The following MON2 variants were observed in gnomAD, a reference collection of about 807,000 sequenced individuals.
The protein encoded by MON2 is protein MON2 homolog.
In MON2, 84 loss-of-function variants were observed where a neutral mutation model predicts 208.6. That is an observed-to-expected ratio of 0.40 (90% confidence interval 0.34 to 0.48). MON2 has a LOEUF of 0.48. Among genes scored for constraint, MON2 ranks in the 20% least tolerant of loss-of-function variants. The pLI is 0.59. For missense variants in MON2, 1,611 were observed against 2,015.4 expected, an observed-to-expected ratio of 0.80 and a Z score of 3.84; for synonymous variants, 660 against 694.0, an observed-to-expected ratio of 0.95 and a Z score of 0.77.
chr12:62,578,945 A>G (rs554915222), intron 31 of MON2, among the ~76,000 whole-genome samples: 15 of 152,288 alleles, frequency 9.8e-5, no homozygotes, highest in African/African-American at 3.6e-4. Context: ...TTTAAAGAAT[A>G]TATTTTGAGG....
rs5798648 is a variant in MON2 at position 62,578,430 on chromosome 12, G to GTT, written c.4515-4_4515-3dup. 21,249 of 1,113,040 alleles carry GTT rather than the reference G, an allele frequency of 0.019. 1 individual carries two copies. The highest frequency in any genetic ancestry group is 0.025 in the South Asian group (1,549 of 61,812). 68.9% of individuals were successfully genotyped at this position (1,113,040 alleles called of 1,614,324 possible). A position where few individuals can be genotyped will look rare whatever the true frequency, so the allele number is the denominator to read the frequency against. Reference sequence around the variant, plus strand: ...AATATTTTATCTTTAAAAATCAAGTGTTTTTTTTTTTTAGCATACCTCCAG... The same window carrying GTT: ...AATATTTTATCTTTAAAAATCAAGTGTTTTTTTTTTTTTTAGCATACCTCCAG... On this transcript the variant is annotated splice_polypyrimidine_tract_variant and intron_variant, in intron 30 of 34. Transcript: ENST00000393630.
chr12:62,590,934 C>T (rs1199739254), intron 34 of MON2, among the ~76,000 whole-genome samples: 1 of 152,190 alleles, frequency 6.6e-6, no homozygotes, highest in African/African-American at 2.4e-5. Context: ...GAATTACAGG[C>T]GTGAGCCACC....
chr12:62,501,766 C>T lies in MON2; in HGVS notation c.789+68C>T, dbSNP rs910776385. The T allele has an allele frequency of 1.4e-5, 22 of 1,567,204 alleles. No individual in the cohort carries two copies. The African/African-American group carries it at 2.8e-4, about 20-fold the overall frequency. On this transcript the variant is annotated intron_variant, in intron 7 of 34. Coordinates refer to ENST00000393630, the MANE Select transcript of MON2 (RefSeq NM_015026.3). The stretch of plus-strand genomic sequence containing the variant: ...GTTTTACAGATATTTTTAAAGAAAG[C>T]AACGTGTATTTTTTTTCCACCTTAA...
At chr12:62,483,714 A>C (rs879479209) in intron 1 of MON2, among the ~76,000 whole-genome samples, 2 of 152,120 alleles carry the variant, frequency 1.3e-5, no homozygotes, top group Non-Finnish European at 2.9e-5. Context: ...AAAAAACTCC[A>C]TCAACAATAA....
At chr12:62,579,253 A>G (rs2074909374) in intron 31 of MON2, among the ~76,000 whole-genome samples, 1 of 152,014 alleles carries the variant, frequency 6.6e-6, no homozygotes, top group Non-Finnish European at 1.5e-5. Flanking sequence ...CTGAAAAAAA[A>G]AAGTAAAAAA....
intron 12 of MON2, among the ~76,000 whole-genome samples, chr12:62,533,844 A>G (rs924646392): frequency 6.6e-6 from 1 of 152,298 alleles, no homozygotes; most frequent in African/African-American, 2.4e-5. Context: ...TTGAATTACC[A>G]TGACATCACA....
chr12:62,532,768 G>A, intron 12 of MON2, 98 bp downstream of exon 12: 1 of 832,490 alleles, frequency 1.2e-6, no homozygotes, highest in Non-Finnish European at 1.9e-6. Flanking sequence ...GACTTCTCAA[G>A]TGTTAACCAC....
chr12:62,479,582 A>G (rs2069288575), intron 1 of MON2, among the ~76,000 whole-genome samples: 1 of 152,108 alleles, frequency 6.6e-6, no homozygotes, highest in African/African-American at 2.4e-5. Flanking sequence ...GGTCTTAGAA[A>G]AGCAGTCAGC....
At chr12:62,507,717 G>A (rs1404161750) in intron 7 of MON2, among the ~76,000 whole-genome samples, 1 of 152,070 alleles carries the variant, frequency 6.6e-6, no homozygotes, top group East Asian at 1.9e-4. Context: ...ATCATTAAAT[G>A]TTCCTTTTAA....
At chr12:62,583,052 G>C (rs988474695) in intron 32 of MON2, among the ~76,000 whole-genome samples, 2 of 152,192 alleles carry the variant, frequency 1.3e-5, no homozygotes, top group African/African-American at 4.8e-5. Context: ...AAGAAAGAAG[G>C]CTGGGCACGG....
chr12:62,518,878 C>A (rs766522363), intron 8 of MON2, among the ~76,000 whole-genome samples: 17 of 152,096 alleles, frequency 1.1e-4, no homozygotes, highest in Non-Finnish European at 2.5e-4. Flanking sequence ...GACATCTTAG[C>A]TTAGAAAAAA....
chr12:62,470,604 T>C (rs1168962850), intron 1 of MON2: 1 of 369,646 alleles, frequency 2.7e-6, no homozygotes, highest in Non-Finnish European at 3.9e-6. Context: ...CACTTCTATG[T>C]GATTAATATT....
intron 11 of MON2, among the ~76,000 whole-genome samples, chr12:62,531,749 T>C (rs2072656110): frequency 6.6e-6 from 1 of 152,110 alleles, no homozygotes; most frequent in South Asian, 2.1e-4. Flanking sequence ...TGATTTGATT[T>C]GATGGCATCT....
In MON2 at chr12:62,560,748, A is replaced by G; in HGVS notation, c.3667A>G (p.Ser1223Gly). The change falls in exon 26 of 35, where the codon AGT becomes GGT. Residue 1223 changes from serine (S) to glycine (G), a missense_variant. Coordinates refer to ENST00000393630, the MANE Select transcript of MON2 (RefSeq NM_015026.3). ...DSIGEKLGRY[S>G]SSEPPIVTDE... Reference sequence around the variant, plus strand: ...CATTGGAGAAAAACTAGGAAGATATAGTAGCTCTGAGCCACCCATTGTTAC... The same window carrying G: ...CATTGGAGAAAAACTAGGAAGATATGGTAGCTCTGAGCCACCCATTGTTAC... The G allele has an allele frequency of 6.2e-7, 1 of 1,614,180 alleles. No individual in the cohort carries two copies. Among genetic ancestry groups the G allele is most frequent in the African/African-American group, 1.3e-5 (1 of 75,070 alleles).
rs886183252 is a variant in MON2 at position 62,595,038 on chromosome 12, A to G, written c.*2289A>G. 1 of 152,204 alleles carries G rather than the reference A, an allele frequency of 6.6e-6. No homozygotes were observed. Among genetic ancestry groups the G allele is most frequent in the Non-Finnish European group, 1.5e-5 (1 of 68,036 alleles). 9.4% of individuals were successfully genotyped at this position (152,204 alleles called of 1,614,324 possible). The stretch of plus-strand genomic sequence containing the variant: ...TCGATGCCAGGAGATTCAAAAAGGA[A>G]GCTCTCAAAGATAAGATCATTTTAT... On this transcript the variant is annotated 3_prime_UTR_variant, in exon 35 of 35. Transcript: ENST00000393630.
At chr12:62,585,541 G>T (rs762089305) in intron 33 of MON2, 40 bp downstream of exon 33, 1 of 1,433,758 alleles carries the variant, frequency 7.0e-7, no homozygotes, top group Non-Finnish European at 9.5e-7. Context: ...ATGTATTGTT[G>T]TACTAATTGT....
Position 62,592,786 on chromosome 12 carries a change from A to G in MON2, c.*37A>G. The G allele has an allele frequency of 2.6e-6, 4 of 1,513,208 alleles. No homozygotes were observed. The highest frequency in any genetic ancestry group is 3.6e-6 in the Non-Finnish European group (4 of 1,112,688). 93.7% of individuals were successfully genotyped at this position (1,513,208 alleles called of 1,614,324 possible). On this transcript the variant is annotated 3_prime_UTR_variant, in exon 35 of 35. Coordinates refer to ENST00000393630, the MANE Select transcript of MON2 (RefSeq NM_015026.3). ...ATATTTGAAAGCAGGAAGATAGTCT[A>G]AAAAATGTTTGCTCCTAATTGAGTC...
rs2073081805 is a variant in MON2 at position 62,538,434 on chromosome 12, C to T, written c.2293C>T (p.Leu765=). 2 of 1,609,036 alleles carry T rather than the reference C, an allele frequency of 1.2e-6. No individual in the cohort carries two copies. The highest frequency in any genetic ancestry group is 4.5e-5 in the East Asian group (2 of 44,778). The change falls in exon 19 of 35, where the codon CTG becomes TTG. Residue 765 remains leucine, a synonymous_variant. Coordinates refer to ENST00000393630, the MANE Select transcript of MON2 (RefSeq NM_015026.3). The part of the protein sequence containing the change: ...ESSQYLDDVS[L]HHLINALCSL... ...TTTTAGGTATCTTGATGATGTATCACTGCATCATTTAATAAATGCACTTTG... is the reference window on the plus strand; with the variant it reads ...TTTTAGGTATCTTGATGATGTATCATTGCATCATTTAATAAATGCACTTTG...
intron 24 of MON2, among the ~76,000 whole-genome samples, chr12:62,554,449 A>G (rs1271567300): frequency 6.6e-6 from 1 of 152,154 alleles, no homozygotes; most frequent in East Asian, 1.9e-4. Context: ...GTTAGTTCAG[A>G]GACCACACTT....
Sources: allele counts gnomAD v4.1 joint callset (sites outside exome capture counted in the v4.1 genomes callset), GRCh38; gene constraint gnomAD v4.1.1; transcripts MANE v1.5; gene names NCBI Gene and HGNC (gene_info 2026-07-23, HGNC 2026-07-21).